Variants in ENTREP2 observed in about 807,000 individuals in gnomAD.
ENTREP2 encodes the protein endosomal transmembrane epsin interactor 2, also known as protein ENTREP2.
chr15:29,386,073 C>T, the ENTREP2 span, among the ~76,000 whole-genome samples: 2 of 152,236 alleles, frequency 1.3e-5, no homozygotes, highest in East Asian at 3.9e-4. Context: ...CCATCCACTT[C>T]GCTGAGAGCT....
chr15:29,456,840 A>G, the ENTREP2 span, among the ~76,000 whole-genome samples: 1 of 152,220 alleles, frequency 6.6e-6, no homozygotes, highest in South Asian at 2.1e-4. Flanking sequence ...GCTGGAACAC[A>G]TAATTCATGT....
At chr15:29,417,098 G>A in the ENTREP2 span, among the ~76,000 whole-genome samples, 1 of 152,152 alleles carries the variant, frequency 6.6e-6, no homozygotes, top group Non-Finnish European at 1.5e-5. Flanking sequence ...TATTCCTCAG[G>A]GATCTAGAAC....
chr15:29,523,573 T>C, the ENTREP2 span, among the ~76,000 whole-genome samples: 1 of 145,956 alleles, frequency 6.9e-6, no homozygotes, highest in African/African-American at 2.6e-5. Context: ...TTTTTTTTTT[T>C]TTTTTTTTTT....
chr15:29,217,372 T>C, the ENTREP2 span, among the ~76,000 whole-genome samples: 1 of 152,016 alleles, frequency 6.6e-6, no homozygotes, highest in Non-Finnish European at 1.5e-5. Context: ...AAAGGGAGAG[T>C]CTAAAAACAT....
At chr15:29,540,842 T>C in the ENTREP2 span, among the ~76,000 whole-genome samples, 2 of 152,180 alleles carry the variant, frequency 1.3e-5, no homozygotes, top group African/African-American at 4.8e-5. Context: ...AAGCTTTCTC[T>C]AAACAAAAGC....
At chr15:29,142,944 G>A in the ENTREP2 span, among the ~76,000 whole-genome samples, 1 of 152,162 alleles carries the variant, frequency 6.6e-6, no homozygotes, top group Non-Finnish European at 1.5e-5. Flanking sequence ...CAACCACATT[G>A]TATCATCAGA....
chr15:29,211,332 G>A, the ENTREP2 span, among the ~76,000 whole-genome samples: 20 of 152,324 alleles, frequency 1.3e-4, 1 homozygote, highest in South Asian at 3.7e-3. Flanking sequence ...AGACACACTC[G>A]ATGTGTGCCC....
chr15:29,427,296 C>T, the ENTREP2 span, among the ~76,000 whole-genome samples: 5 of 152,244 alleles, frequency 3.3e-5, no homozygotes, highest in South Asian at 2.1e-4. Context: ...CATGGAGAAG[C>T]GGGGTTGAAA....
At chr15:29,223,454 C>T in the ENTREP2 span, among the ~76,000 whole-genome samples, 63,651 of 151,988 alleles carry the variant, frequency 0.42, 13,598 homozygotes, top group East Asian at 0.6. Context: ...GTCATATCTG[C>T]ACCTGTGAGC....
chr15:29,123,536 C>T, the ENTREP2 span: 1 of 1,551,772 alleles, frequency 6.4e-7, no homozygotes. Flanking sequence ...CGTGGCCGCT[C>T]TTTGGAGGTC....
the ENTREP2 span, among the ~76,000 whole-genome samples, chr15:29,551,749 CCTT>C: frequency 2.0e-5 from 3 of 151,328 alleles, no homozygotes; most frequent in Non-Finnish European, 4.4e-5. Flanking sequence ...TTAAAATACT[CCTT>C]CACCAAAATC....
the ENTREP2 span, among the ~76,000 whole-genome samples, chr15:29,656,468 C>T: frequency 1.3e-5 from 2 of 152,202 alleles, no homozygotes; most frequent in East Asian, 3.8e-4. Context: ...TGCAGGCAAT[C>T]TGCCTGCCTC....
the ENTREP2 span, among the ~76,000 whole-genome samples, chr15:29,279,398 C>G: frequency 6.6e-6 from 1 of 150,876 alleles, no homozygotes; most frequent in Admixed American, 6.6e-5. Context: ...TGGAGCCTGG[C>G]TGTGTCACCA....
chr15:29,253,962 T>G, the ENTREP2 span, among the ~76,000 whole-genome samples: 2 of 152,224 alleles, frequency 1.3e-5, no homozygotes, highest in East Asian at 3.9e-4. Flanking sequence ...TTTCTGTTCA[T>G]TTTCCAGGCT....
chr15:29,157,788 G>C, the ENTREP2 span, among the ~76,000 whole-genome samples: 1 of 150,816 alleles, frequency 6.6e-6, no homozygotes, highest in African/African-American at 2.5e-5. Context: ...GGAATGCAGT[G>C]GCGCGATATC....
At chr15:29,629,040 A>G in the ENTREP2 span, among the ~76,000 whole-genome samples, 43,393 of 152,034 alleles carry the variant, frequency 0.29, 9,320 homozygotes, top group African/African-American at 0.61. Context: ...GTAATCCACT[A>G]TGCCCGGCCA....
the ENTREP2 span, among the ~76,000 whole-genome samples, chr15:29,308,836 G>C: frequency 3.3e-5 from 5 of 152,184 alleles, no homozygotes; most frequent in African/African-American, 1.2e-4. Context: ...GAAAATAGGA[G>C]ATAAACATTG....
At chr15:29,219,720 T>C in the ENTREP2 span, among the ~76,000 whole-genome samples, 1 of 140,522 alleles carries the variant, frequency 7.1e-6, no homozygotes, top group African/African-American at 2.6e-5. Context: ...TGCAGTGACC[T>C]GGATGAGATT....
At chr15:29,444,170 C>CACAGAAAG in the ENTREP2 span, among the ~76,000 whole-genome samples, 224 of 71,568 alleles carry the variant, frequency 3.1e-3, 22 homozygotes, top group Middle Eastern at 0.012. Flanking sequence ...GAAAGACAGA[C>CACAGAAAG]AAAGAAAGAA....
Sources: allele counts gnomAD v4.1 joint callset (sites outside exome capture counted in the v4.1 genomes callset), GRCh38; gene constraint gnomAD v4.1.1; transcripts MANE v1.5; gene names NCBI Gene and HGNC (gene_info 2026-07-23, HGNC 2026-07-21).